The following PTGER3 variants were observed in gnomAD, a reference collection of about 807,000 sequenced individuals.
PTGER3 encodes prostaglandin E2 receptor EP3 subtype.
A neutral mutation model predicts 34.7 loss-of-function variants in PTGER3; 22 were observed. That is an observed-to-expected ratio of 0.63 (90% CI 0.45 to 0.91). The LOEUF (loss-of-function observed/expected upper bound fraction) is 0.91, where lower values mean the gene tolerates loss of function less well. Ranked by LOEUF, PTGER3 falls within the 40% of genes least tolerant of loss-of-function variation. The probability of loss-of-function intolerance (pLI) is 0.00; values close to 1 mark genes in which losing one functional copy is unlikely to be tolerated. For synonymous variants in PTGER3, 241 were observed against 230.1 expected, an observed-to-expected ratio of 1.05 and a Z score of -0.43; for missense variants, 468 against 519.4, an observed-to-expected ratio of 0.90 and a Z score of 0.96.
At chr1:70,995,307 G>A (rs1655833966) in intron 2 of PTGER3, among the ~76,000 whole-genome samples, 1 of 152,176 alleles carries the variant, frequency 6.6e-6, no homozygotes, top group Non-Finnish European at 1.5e-5. Context: ...AATTGGAATG[G>A]TAGATTGGGA....
chr1:70,964,835 T>G (rs530229480), intron 2 of PTGER3, among the ~76,000 whole-genome samples: 15 of 152,366 alleles, frequency 9.8e-5, no homozygotes, highest in African/African-American at 3.4e-4. Context: ...TTCCGTTCTT[T>G]CTTTCTCCAG....
At chr1:71,037,538 A>G (rs1659945591) in intron 1 of PTGER3, among the ~76,000 whole-genome samples, 1 of 152,200 alleles carries the variant, frequency 6.6e-6, no homozygotes, top group African/African-American at 2.4e-5. Context: ...AGAATGTGTG[A>G]TCTATTTTGT....
At chr1:70,898,076 G>A (rs1167625717) in intron 4 of PTGER3, among the ~76,000 whole-genome samples, 1 of 152,052 alleles carries the variant, frequency 6.6e-6, no homozygotes, top group East Asian at 1.9e-4. Context: ...CCTTAATAGT[G>A]TGTATTTAGT....
At chr1:70,860,682 G>A (rs1435927307) in intron 4 of PTGER3, among the ~76,000 whole-genome samples, 1 of 152,088 alleles carries the variant, frequency 6.6e-6, no homozygotes, top group African/African-American at 2.4e-5. Flanking sequence ...TTCACTTAAA[G>A]TTGCAGTTTT....
At chr1:70,927,077 G>A (rs1389770110) in intron 4 of PTGER3, among the ~76,000 whole-genome samples, 1 of 152,238 alleles carries the variant, frequency 6.6e-6, no homozygotes, top group Non-Finnish European at 1.5e-5. Context: ...TCTGGATTCA[G>A]TTTGCCAGTA....
At chr1:70,885,382 T>C (rs1646476385) in intron 4 of PTGER3, among the ~76,000 whole-genome samples, 1 of 152,216 alleles carries the variant, frequency 6.6e-6, no homozygotes, top group African/African-American at 2.4e-5. Flanking sequence ...TTAACCCATG[T>C]ATGTACATAA....
intron 4 of PTGER3, among the ~76,000 whole-genome samples, chr1:70,934,810 G>A (rs2100514711): frequency 6.6e-6 from 1 of 152,216 alleles, no homozygotes; most frequent in South Asian, 2.1e-4. Flanking sequence ...CACCTTCCCT[G>A]ACAGAAGCAG....
intron 4 of PTGER3, chr1:70,862,245 A>T: frequency 2.1e-6 from 2 of 933,150 alleles, no homozygotes; most frequent in Admixed American, 6.5e-5. Context: ...AGATTTAAAC[A>T]TACTAAGTAA....
intron 4 of PTGER3, among the ~76,000 whole-genome samples, chr1:70,917,630 C>CA (rs1647211518): frequency 1.3e-5 from 2 of 151,832 alleles, no homozygotes; most frequent in African/African-American, 4.8e-5. Context: ...GAGGAACCCC[C>CA]AAATTGTTTT....
intron 2 of PTGER3, among the ~76,000 whole-genome samples, chr1:70,960,574 A>G (rs1651826790): frequency 1.3e-5 from 2 of 152,146 alleles, no homozygotes; most frequent in African/African-American, 2.4e-5. Context: ...TGACAGAAAT[A>G]TGAGAAATGA....
At chr1:70,924,909 G>A (rs567207481) in intron 4 of PTGER3, among the ~76,000 whole-genome samples, 2 of 152,138 alleles carry the variant, frequency 1.3e-5, no homozygotes, top group South Asian at 4.1e-4. Flanking sequence ...AATATGGCTA[G>A]CCAAAGATGA....
chr1:71,016,590 C>T (rs1474493279), intron 1 of PTGER3, among the ~76,000 whole-genome samples: 1 of 151,952 alleles, frequency 6.6e-6, no homozygotes, highest in Non-Finnish European at 1.5e-5. Context: ...ATCCCCTGAA[C>T]CCAGCAGTTC....
At chr1:70,919,618 C>T (rs558487914) in intron 4 of PTGER3, among the ~76,000 whole-genome samples, 1 of 152,124 alleles carries the variant, frequency 6.6e-6, no homozygotes, top group Non-Finnish European at 1.5e-5. Context: ...GACTAAAATT[C>T]AGTCTGTTAA....
chr1:70,863,826 G>A (rs1645982539), intron 4 of PTGER3, among the ~76,000 whole-genome samples: 1 of 152,096 alleles, frequency 6.6e-6, no homozygotes, highest in Non-Finnish European at 1.5e-5. Context: ...AGTTCATGAT[G>A]GCTATGGTGA....
At chr1:70,880,217 G>T (rs990574296) in intron 4 of PTGER3, among the ~76,000 whole-genome samples, 1 of 152,098 alleles carries the variant, frequency 6.6e-6, no homozygotes, top group African/African-American at 2.4e-5. Context: ...CTTTTGTGGT[G>T]GCTGGTAACA....
chr1:70,943,849 A>G (rs944269815), intron 4 of PTGER3, among the ~76,000 whole-genome samples: 3 of 45,944 alleles, frequency 6.5e-5, no homozygotes, highest in African/African-American at 1.3e-4. Flanking sequence ...AGAGAGAGGG[A>G]GAGAGAGAGA....
At chr1:70,975,588 C>G (rs1356707205) in intron 2 of PTGER3, among the ~76,000 whole-genome samples, 1 of 152,014 alleles carries the variant, frequency 6.6e-6, no homozygotes, top group Non-Finnish European at 1.5e-5. Context: ...ACAAGCAGTC[C>G]AGACAGACAT....
chr1:70,986,402 TG>T (rs1286651634), intron 2 of PTGER3, among the ~76,000 whole-genome samples: 1 of 152,138 alleles, frequency 6.6e-6, no homozygotes, highest in Admixed American at 6.5e-5. Context: ...ACCCCTTTCC[TG>T]TAACGCCATG....
chr1:70,992,295 CA>C (rs1341673891), intron 2 of PTGER3, among the ~76,000 whole-genome samples: 1 of 152,186 alleles, frequency 6.6e-6, no homozygotes, highest in African/African-American at 2.4e-5. Context: ...AGGAGCTATG[CA>C]ACTTTGAACA....
Sources: allele counts gnomAD v4.1 joint callset (sites outside exome capture counted in the v4.1 genomes callset), GRCh38; gene constraint gnomAD v4.1.1; transcripts MANE v1.5; gene names NCBI Gene and HGNC (gene_info 2026-07-23, HGNC 2026-07-21).